The following KLF8 variants were observed in gnomAD, a reference collection of about 807,000 sequenced individuals.
The protein encoded by KLF8 is KLF transcription factor 8.
KLF8 carries 10 observed loss-of-function variants against 18.2 expected under a neutral mutation model. The ratio of observed to expected loss-of-function variants is 0.55; its 90% CI spans 0.34 to 0.93. The LOEUF (loss-of-function observed/expected upper bound fraction) is 0.93. KLF8 is among the 40% of genes least tolerant of loss of function. The pLI is 0.02. For synonymous variants in KLF8, 109 were observed against 97.3 expected (o/e 1.12, Z -0.71); for missense variants, 264 against 277.9 (o/e 0.95, Z 0.36).
At chrX:56,195,592 A>T in the KLF8 span, among the ~76,000 whole-genome samples, 3 of 112,433 alleles carry the variant, frequency 2.7e-5, no homozygotes, top group African/African-American at 9.7e-5. Flanking sequence ...TAAAAAGACC[A>T]AATCTGTGTT....
the KLF8 span, among the ~76,000 whole-genome samples, chrX:56,163,101 T>C: frequency 1.8e-5 from 2 of 112,244 alleles, no homozygotes; most frequent in Admixed American, 9.5e-5. Context: ...TTTCTTCAGG[T>C]ATGTGCCCAG....
the KLF8 span, among the ~76,000 whole-genome samples, chrX:56,161,583 G>A: frequency 2.8e-4 from 31 of 111,622 alleles, no homozygotes; most frequent in African/African-American, 6.5e-4. Flanking sequence ...TTGTGCATTC[G>A]TCACGTACTT....
the KLF8 span, among the ~76,000 whole-genome samples, chrX:56,055,466 C>T: frequency 4.5e-5 from 5 of 111,542 alleles, no homozygotes; most frequent in African/African-American, 1.6e-4. Flanking sequence ...TTCTAGGTGA[C>T]CTGACCTTGT....
chrX:56,175,451 G>T, the KLF8 span, among the ~76,000 whole-genome samples: 4 of 111,873 alleles, frequency 3.6e-5, no homozygotes, highest in Non-Finnish European at 5.6e-5. Flanking sequence ...ATTGCACTGT[G>T]GTCTGAGAGA....
the KLF8 span, among the ~76,000 whole-genome samples, chrX:55,938,194 G>C: frequency 8.9e-6 from 1 of 112,071 alleles, no homozygotes; most frequent in Non-Finnish European, 1.9e-5. Flanking sequence ...AGCTCTACAA[G>C]CCAGAAGAGA....
chrX:56,044,485 C>G, the KLF8 span, among the ~76,000 whole-genome samples: 2 of 112,264 alleles, frequency 1.8e-5, no homozygotes, highest in African/African-American at 6.5e-5. Context: ...AAAGCTTTGT[C>G]CATAGCAATC....
At chrX:56,058,230 A>G in the KLF8 span, among the ~76,000 whole-genome samples, 1 of 86,811 alleles carries the variant, frequency 1.2e-5, no homozygotes. Context: ...GTATATATAT[A>G]TACACACATA....
At chrX:56,234,754 C>T (rs1268467772) in intron 1 of KLF8, among the ~76,000 whole-genome samples, 1 of 112,432 alleles carries the variant, frequency 8.9e-6, no homozygotes, top group African/African-American at 3.2e-5. Flanking sequence ...AGGTAAATGA[C>T]CTCATCCCAT....
intron 1 of KLF8, among the ~76,000 whole-genome samples, chrX:56,235,439 G>A (rs1028142014): frequency 5.4e-5 from 5 of 92,769 alleles, no homozygotes; most frequent in Non-Finnish European, 8.3e-5. Flanking sequence ...TTTTTGACAC[G>A]GTGTTTCGCC....
chrX:55,945,028 G>T, the KLF8 span, among the ~76,000 whole-genome samples: 1 of 111,141 alleles, frequency 9.0e-6, no homozygotes, highest in African/African-American at 3.3e-5. Flanking sequence ...CTGTTATGTT[G>T]TGTCTTTGTT....
chrX:56,030,018 G>C, the KLF8 span, among the ~76,000 whole-genome samples: 2 of 112,230 alleles, frequency 1.8e-5, no homozygotes, highest in Non-Finnish European at 3.8e-5. Flanking sequence ...TCTGCACTTT[G>C]ACTAACTAAG....
At chrX:55,928,883 C>T in the KLF8 span, among the ~76,000 whole-genome samples, 3 of 111,995 alleles carry the variant, frequency 2.7e-5, no homozygotes, top group African/African-American at 9.7e-5. Context: ...TGGGTCTATA[C>T]CCAGTCAAGG....
chrX:56,173,675 T>C, the KLF8 span, among the ~76,000 whole-genome samples: 1 of 112,006 alleles, frequency 8.9e-6, no homozygotes, highest in Non-Finnish European at 1.9e-5. Context: ...ATTGAATCTA[T>C]AAATTACCTT....
the KLF8 span, among the ~76,000 whole-genome samples, chrX:55,960,963 C>A: frequency 1.1e-3 from 122 of 111,117 alleles, no homozygotes; most frequent in Admixed American, 4.0e-3. Flanking sequence ...GAAATGACAC[C>A]CATAGGTTCA....
At chrX:56,062,876 T>A in the KLF8 span, among the ~76,000 whole-genome samples, 1 of 111,136 alleles carries the variant, frequency 9.0e-6, no homozygotes, top group South Asian at 3.8e-4. Context: ...TCATTCTTTT[T>A]TTTCTAATCT....
At chrX:56,207,479 ACCAGATGC>A in the KLF8 span, among the ~76,000 whole-genome samples, 9 of 111,888 alleles carry the variant, frequency 8.0e-5, no homozygotes, top group Non-Finnish European at 1.1e-4. Context: ...AATTTCTACT[ACCAGATGC>A]CCTATATCAT....
At chrX:56,168,980 A>G in the KLF8 span, among the ~76,000 whole-genome samples, 2 of 111,827 alleles carry the variant, frequency 1.8e-5, no homozygotes, top group Admixed American at 1.9e-4. Context: ...GCAAAGCTCT[A>G]GTAACAAAAT....
At chrX:56,137,618 G>A in the KLF8 span, among the ~76,000 whole-genome samples, 2 of 73,373 alleles carry the variant, frequency 2.7e-5, no homozygotes, top group South Asian at 1.1e-3. Context: ...GGGGGGAGGG[G>A]GGAGGGATAG....
At chrX:55,942,404 A>G in the KLF8 span, among the ~76,000 whole-genome samples, 1 of 110,447 alleles carries the variant, frequency 9.1e-6, no homozygotes, top group Non-Finnish European at 1.9e-5. Flanking sequence ...GCATTAGGAG[A>G]TATACCTAAT....
Sources: allele counts gnomAD v4.1 joint callset (sites outside exome capture counted in the v4.1 genomes callset), GRCh38; gene constraint gnomAD v4.1.1; transcripts MANE v1.5; gene names NCBI Gene and HGNC (gene_info 2026-07-23, HGNC 2026-07-21).